The following HEPH variants were observed in gnomAD, a reference collection of about 807,000 sequenced individuals.
HEPH encodes the protein hephaestin.
A neutral mutation model predicts 80.8 loss-of-function variants in HEPH; 69 were observed. The observed-to-expected ratio is 0.85, with a 90% CI of 0.70 to 1.04. The LOEUF is 1.04. Ranked by LOEUF, HEPH falls within the 50% of genes least tolerant of loss-of-function variation. The pLI, the probability that HEPH is intolerant of heterozygous loss-of-function variation, is 0.00. For synonymous variants in HEPH, 431 were observed against 322.8 expected (o/e 1.34, Z -3.60); for missense variants, 1,115 against 891.3 (o/e 1.25, Z -3.20).
Position 66,197,720 on chromosome X carries a change from G to T in HEPH, c.1539G>T (p.Glu513Asp). The T allele has an allele frequency of 8.3e-7, 1 of 1,211,760 alleles. No individual in the cohort carries two copies. Among genetic ancestry groups the T allele is most frequent in the Non-Finnish European group, 1.1e-6 (1 of 895,504 alleles). The change falls in exon 10 of 21, where the codon GAG becomes GAT. Residue 513 changes from glutamate (E) to aspartate (D), a missense_variant. This residue lies in a region of HEPH where 716 missense variants were observed against 523.5 expected (regional missense o/e 1.37). Transcript: ENST00000343002. ...SYPGLVAKPF[E>D]KVTYRWTVPP... Reference sequence around the variant, plus strand: ...CTGGCTTGGTTGCCAAGCCCTTTGAGAAAGTAACATACCGCTGGACAGTCC... The same window carrying T: ...CTGGCTTGGTTGCCAAGCCCTTTGATAAAGTAACATACCGCTGGACAGTCC...
intron 19 of HEPH, among the ~76,000 whole-genome samples, chrX:66,263,323 C>T (rs1227513870): frequency 1.8e-5 from 2 of 111,049 alleles, no homozygotes; most frequent in Non-Finnish European, 3.8e-5. Flanking sequence ...CAGGGATTTC[C>T]TGAAGGAAGT....
At chrX:66,268,500 A>G (rs1444752658), downstream of HEPH, 1 of 112,000 alleles carries the variant, frequency 8.9e-6, no homozygotes, top group Admixed American at 9.5e-5. Context: ...TGCAGAATCA[A>G]TGATTTAACA....
rs1379703395 is a variant in HEPH at position 66,255,164 on chromosome X, G to T, written c.2670+23G>T. On this transcript the variant is annotated intron_variant, in intron 16 of 20. Transcript: ENST00000343002. ...AAGGTAAATACAAGATTGGCTACCT[G>T]GAGGTGGGTCAAACTCCCTGGCAAA... 3.7e-6 allele frequency: 4 copies of T among 1,084,581 alleles called. No homozygotes were observed. The East Asian group carries it at 1.2e-4, about 33-fold the overall frequency. 89.4% of individuals were successfully genotyped at this position (1,084,581 alleles called of 1,213,427 possible).
chrX:66,255,348 T>C (rs2091142137), intron 16 of HEPH, among the ~76,000 whole-genome samples: 1 of 108,585 alleles, frequency 9.2e-6, no homozygotes, highest in Admixed American at 1.0e-4. Context: ...ATTTTCTTCC[T>C]TATCTTTTCA....
chrX:66,196,525 A>G (rs186279356), intron 9 of HEPH, among the ~76,000 whole-genome samples: 2 of 112,262 alleles, frequency 1.8e-5, no homozygotes, highest in African/African-American at 6.5e-5. Context: ...GAATGTTTTT[A>G]TAAACCTTTC....
intron 15 of HEPH, among the ~76,000 whole-genome samples, chrX:66,208,649 T>C (rs866951630): frequency 2.9e-5 from 2 of 68,441 alleles, no homozygotes; most frequent in African/African-American, 1.0e-4. Context: ...TATATATATA[T>C]ATATATATAT....
Position 66,203,531 on chromosome X carries a change from G to A in HEPH, c.2245G>A (p.Asp749Asn). 1 of 1,211,875 alleles carries A rather than the reference G, an allele frequency of 8.3e-7. No individual in the cohort carries two copies. The highest frequency in any genetic ancestry group is 1.8e-5 in the South Asian group (1 of 56,935). The change falls in exon 13 of 21, where the codon GAC becomes AAC. Residue 749 changes from aspartate to asparagine, a missense_variant. By Grantham distance (23) the Asp-to-Asn change is conservative. This residue lies in a region of HEPH where 716 missense variants were observed against 523.5 expected (regional missense o/e 1.37). Coordinates refer to ENST00000343002, the MANE Select transcript of HEPH (RefSeq NM_001367233.3). ...AGAAGTAGAGTGGGACTATTGCCCT[G>A]ACCGGAGCTGGGAACGGGAATGGCA... ...AEEVEWDYCPDRSWEREWHNQ... is the reference protein window; with the variant it reads ...AEEVEWDYCPNRSWEREWHNQ...
chrX:66,188,162 C>T (rs1262167138), intron 4 of HEPH, among the ~76,000 whole-genome samples, 197 bp from the exon 5 acceptor site: 2 of 111,578 alleles, frequency 1.8e-5, no homozygotes, highest in African/African-American at 6.5e-5. Context: ...ACATCAAGTC[C>T]TAGGTTCAAC....
intron 15 of HEPH, among the ~76,000 whole-genome samples, chrX:66,224,137 T>G (rs1420845449): frequency 9.1e-6 from 1 of 109,993 alleles, no homozygotes; most frequent in Non-Finnish European, 1.9e-5. Flanking sequence ...GTGAACTTCT[T>G]TTATGTCTGT....
At chrX:66,221,798 C>T (rs181982018) in intron 15 of HEPH, among the ~76,000 whole-genome samples, 37 of 112,854 alleles carry the variant, frequency 3.3e-4, no homozygotes, top group Non-Finnish European at 5.6e-4. Context: ...TTTTTATTAA[C>T]TGTCACCTAC....
At chrX:66,178,145 C>A (rs1447683966) in intron 4 of HEPH, among the ~76,000 whole-genome samples, 1 of 111,035 alleles carries the variant, frequency 9.0e-6, no homozygotes, top group African/African-American at 3.3e-5. Flanking sequence ...TTTCCTGTGT[C>A]CAAGTGTTCT....
intron 15 of HEPH, among the ~76,000 whole-genome samples, chrX:66,238,129 T>C (rs756193030): frequency 4.5e-5 from 5 of 111,856 alleles, no homozygotes; most frequent in Non-Finnish European, 9.4e-5. Flanking sequence ...TCAAGGTTAG[T>C]ATAGGTATGT....
chrX:66,226,042 G>A (rs1429592018), intron 15 of HEPH, among the ~76,000 whole-genome samples: 2 of 111,410 alleles, frequency 1.8e-5, no homozygotes, highest in Non-Finnish European at 3.8e-5. Context: ...CAGGGGGTAT[G>A]TGACTGGGGG....
chrX:66,186,057 C>T (rs1290734207), intron 4 of HEPH, among the ~76,000 whole-genome samples: 2 of 21,218 alleles, frequency 9.4e-5, no homozygotes, highest in African/African-American at 2.4e-4. Flanking sequence ...GCAGTCTGCC[C>T]GTTCTCAGAT....
In HEPH at chrX:66,256,276, C is replaced by A; in HGVS notation, c.2842C>A (p.Pro948Thr). The A allele has an allele frequency of 1.7e-6, 2 of 1,210,647 alleles. No homozygotes were observed. Among genetic ancestry groups the A allele is most frequent in the Middle Eastern group, 2.3e-4 (1 of 4,340 alleles). Residue 948 changes from proline (P) to threonine (T), a missense_variant, in exon 17 of 21, where the codon CCA (proline) becomes ACA (threonine). This residue lies in a region of HEPH where 716 missense variants were observed against 523.5 expected (regional missense o/e 1.37). Coordinates refer to ENST00000343002, the MANE Select transcript of HEPH (RefSeq NM_001367233.3). ...TGTGGCAACCCATGGGTCCCAGGAT[C>A]CAGGCAGTATTAACCTACAGGATGA... is the stretch of plus-strand genomic sequence containing the variant. ...ENVATHGSQD[P>T]GSINLQDETF...
intron 15 of HEPH, among the ~76,000 whole-genome samples, chrX:66,230,274 C>A (rs1332270846): frequency 1.0e-5 from 1 of 95,289 alleles, no homozygotes; most frequent in African/African-American, 4.4e-5. Context: ...GATTTATAGT[C>A]ATTTGGGTAT....
intron 16 of HEPH, among the ~76,000 whole-genome samples, 182 bp from the exon 17 acceptor site, chrX:66,255,923 G>C (rs1371870811): frequency 2.7e-5 from 3 of 112,419 alleles, no homozygotes; most frequent in African/African-American, 9.7e-5. Context: ...TCTTAACTGA[G>C]TCCCAAGATA....
At chrX:66,266,223 G>A (rs940711893) in intron 20 of HEPH, among the ~76,000 whole-genome samples, 6 of 110,631 alleles carry the variant, frequency 5.4e-5, no homozygotes, top group Non-Finnish European at 1.1e-4. Flanking sequence ...ATGGACTGGG[G>A]CCTCAGTGAT....
chrX:66,204,264 A>G (rs962598204), intron 13 of HEPH, among the ~76,000 whole-genome samples: 3 of 112,115 alleles, frequency 2.7e-5, no homozygotes, highest in African/African-American at 9.7e-5. Context: ...AAAGAGTCTA[A>G]AAGATGTAAT....
Sources: allele counts gnomAD v4.1 joint callset (sites outside exome capture counted in the v4.1 genomes callset), GRCh38; gene constraint gnomAD v4.1.1; regional missense constraint gnomAD v4.1.1; transcripts MANE v1.5; gene names NCBI Gene and HGNC (gene_info 2026-07-23, HGNC 2026-07-21).